Variants in TJP2 observed in about 807,000 individuals in gnomAD.
TJP2 encodes Friedreich ataxia region gene X104 (tight junction protein ZO-2).
A neutral mutation model predicts 133.1 loss-of-function variants in TJP2; 91 were observed. The observed-to-expected ratio is 0.68, with a 90% CI of 0.58 to 0.81. TJP2 has a LOEUF of 0.81. Ranked by LOEUF, TJP2 falls within the 40% of genes least tolerant of loss-of-function variation. The pLI is 0.00. For synonymous variants in TJP2, 592 were observed against 583.4 expected, an observed-to-expected ratio of 1.01 and a Z score of -0.21; for missense variants, 1,541 against 1,565.6, an observed-to-expected ratio of 0.98 and a Z score of 0.26.
chr9:69,205,132 G>GGTGGCCTGGCCCA, intron 1 of TJP2: 1 of 1,536,642 alleles, frequency 6.5e-7, no homozygotes, highest in African/African-American at 1.4e-5. Context: ...GAATGTAGGC[G>GGTGGCCTGGCCCA]GTGGCCTGGC....
intron 1 of TJP2, among the ~76,000 whole-genome samples, chr9:69,178,797 T>C (rs1825277710): frequency 6.6e-6 from 1 of 152,162 alleles, no homozygotes; most frequent in African/African-American, 2.4e-5. Context: ...TTTGATATGA[T>C]AGAGTGATAG....
chr9:69,225,958 A>G, intron 6 of TJP2, 64 bp from the exon 7 acceptor site: 1 of 1,573,336 alleles, frequency 6.4e-7, no homozygotes, highest in South Asian at 1.1e-5. Flanking sequence ...AGAAGGGGAA[A>G]ATATGAATTT....
rs1830841468 is a variant in TJP2 at position 69,245,232 on chromosome 9, A to G, written c.2567-1458A>G. Among the ~76,000 whole-genome samples the G allele has an allele frequency of 1.3e-5, 2 of 152,186 alleles. 1 individual carries two copies. Among genetic ancestry groups the G allele is most frequent in the South Asian group, 4.1e-4 (2 of 4,830 alleles). Reference sequence around the variant, plus strand: ...CAAGGAAATTGTAAGCTCATTCAGGATTTTCTAAGGTCACTGTTAGAACTT... The same window carrying G: ...CAAGGAAATTGTAAGCTCATTCAGGGTTTTCTAAGGTCACTGTTAGAACTT... On this transcript the variant is annotated intron_variant, in intron 17 of 22. Coordinates refer to ENST00000377245, the MANE Select transcript of TJP2 (RefSeq NM_004817.4).
chr9:69,195,671 G>T (rs1223128174), intron 1 of TJP2, among the ~76,000 whole-genome samples: 2 of 152,214 alleles, frequency 1.3e-5, no homozygotes, highest in African/African-American at 4.8e-5. Context: ...CAGTGATGAT[G>T]TGTTTCAGGC....
intron 1 of TJP2, among the ~76,000 whole-genome samples, chr9:69,212,278 A>G (rs1827977463): frequency 6.6e-6 from 1 of 152,228 alleles, no homozygotes; most frequent in South Asian, 2.1e-4. Flanking sequence ...GAATAGTGAT[A>G]ATAAAAGGAC....
chr9:69,237,197 A>G, intron 14 of TJP2, 61 bp downstream of exon 14: 3 of 1,590,546 alleles, frequency 1.9e-6, no homozygotes, highest in Admixed American at 3.3e-5. Flanking sequence ...GTTCACCTTT[A>G]TTTTCAGACT....
chr9:69,142,385 C>T (rs574439410), intron 1 of TJP2, among the ~76,000 whole-genome samples: 2 of 152,202 alleles, frequency 1.3e-5, no homozygotes, highest in African/African-American at 4.8e-5. Context: ...TTTTACATCA[C>T]GTAATCTGCT....
At chr9:69,179,250 T>G (rs1288006683) in intron 1 of TJP2, among the ~76,000 whole-genome samples, 2 of 152,250 alleles carry the variant, frequency 1.3e-5, no homozygotes, top group African/African-American at 4.8e-5. Flanking sequence ...GATGTTTGTT[T>G]AGTGCCTCTG....
intron 1 of TJP2, among the ~76,000 whole-genome samples, chr9:69,144,910 A>T (rs1564378450): frequency 6.6e-6 from 1 of 152,184 alleles, no homozygotes; most frequent in East Asian, 1.9e-4. Context: ...TGGCCCATTG[A>T]GTGGGCCACC....
intron 17 of TJP2, among the ~76,000 whole-genome samples, chr9:69,240,521 A>G (rs1260320698): frequency 1.3e-5 from 2 of 152,188 alleles, no homozygotes; most frequent in African/African-American, 4.8e-5. Context: ...AAGCGAAAGG[A>G]ACTTGGTTTC....
At chr9:69,222,815 TC>T (rs1828989810) in intron 5 of TJP2, among the ~76,000 whole-genome samples, 1 of 151,054 alleles carries the variant, frequency 6.6e-6, no homozygotes, top group South Asian at 2.1e-4. Flanking sequence ...ACACCTGTAA[TC>T]CCAGCACTAT....
At chr9:69,236,911 C>T in intron 13 of TJP2, 38 bp from the exon 14 acceptor site, 1 of 1,610,592 alleles carries the variant, frequency 6.2e-7, no homozygotes, top group Non-Finnish European at 8.5e-7. Flanking sequence ...GCTGCGTTTT[C>T]TGGCTTTAGA....
intron 2 of TJP2, 77 bp downstream of exon 2, chr9:69,212,678 TAC>T: frequency 1.5e-6 from 2 of 1,315,858 alleles, no homozygotes; most frequent in Non-Finnish European, 1.1e-6. Context: ...TATTTTCACC[TAC>T]ACACAGTTTT....
intron 1 of TJP2, among the ~76,000 whole-genome samples, chr9:69,130,953 C>G (rs1035816094): frequency 1.4e-4 from 21 of 151,688 alleles, no homozygotes; most frequent in African/African-American, 4.6e-4. Context: ...CTGTGCAGGC[C>G]TGGCCTTTCC....
At chr9:69,196,728 T>C (rs775666357) in intron 1 of TJP2, among the ~76,000 whole-genome samples, 3 of 152,028 alleles carry the variant, frequency 2.0e-5, no homozygotes, top group Admixed American at 6.6e-5. Flanking sequence ...TTTTAGAACA[T>C]TTTCTTCACC....
chr9:69,184,749 C>A (rs1825734468), intron 1 of TJP2, among the ~76,000 whole-genome samples: 1 of 121,140 alleles, frequency 8.3e-6, no homozygotes. Context: ...CTCTCTCTCT[C>A]TTCTTTTTTT....
At chr9:69,151,343 T>A (rs1823465921) in intron 1 of TJP2, among the ~76,000 whole-genome samples, 1 of 151,926 alleles carries the variant, frequency 6.6e-6, no homozygotes, top group Non-Finnish European at 1.5e-5. Context: ...TAGCCGGGCG[T>A]GGTGGCGCAT....
At chr9:69,237,652 T>TA (rs1198423277) in intron 14 of TJP2, among the ~76,000 whole-genome samples, 3 of 151,524 alleles carry the variant, frequency 2.0e-5, no homozygotes, top group Non-Finnish European at 4.4e-5. Flanking sequence ...TCTTGTCTCT[T>TA]AAAAAAAAAT....
chr9:69,223,622 T>A (rs58724623), intron 5 of TJP2, among the ~76,000 whole-genome samples: 2,187 of 151,744 alleles, frequency 0.014, 59 homozygotes, highest in African/African-American at 0.051. Context: ...GTGCATTTTT[T>A]AAGAGGATTG....
Sources: gnomAD v4.1 joint callset for allele counts (sites outside exome capture counted in the v4.1 genomes callset) on GRCh38, gnomAD v4.1.1 for gene constraint, MANE v1.5 for transcripts, NCBI Gene and HGNC (gene_info 2026-07-23, HGNC 2026-07-21) for gene names.